The following DUSP29 variants were observed in gnomAD, a reference collection of about 807,000 sequenced individuals.
DUSP29 encodes the protein dual specificity phosphatase 29, also known as atypical dual-specific protein phosphatase.
Under a neutral mutation model 13.5 loss-of-function variants are expected in DUSP29, and 12 were observed. That is an observed-to-expected ratio of 0.89 (90% confidence interval 0.57 to 1.44). DUSP29 has a LOEUF of 1.44. Among genes scored for constraint, DUSP29 ranks in the 40% most tolerant of loss-of-function variants. The pLI, the probability that DUSP29 is intolerant of heterozygous loss-of-function variation, is 0.00. For synonymous variants in DUSP29, 134 were observed against 128.7 expected, an observed-to-expected ratio of 1.04 and a Z score of -0.28; for missense variants, 308 against 301.1, an observed-to-expected ratio of 1.02 and a Z score of -0.17.
chr10:75,051,409 T>A (rs1846826625), intron 2 of DUSP29, among the ~76,000 whole-genome samples: 1 of 152,202 alleles, frequency 6.6e-6, no homozygotes, highest in Non-Finnish European at 1.5e-5. Flanking sequence ...AAAGCCTGAG[T>A]GACTTGCCCA....
At chr10:75,047,904 A>G (rs985651458) in intron 2 of DUSP29, among the ~76,000 whole-genome samples, 6 of 152,172 alleles carry the variant, frequency 3.9e-5, no homozygotes, top group Non-Finnish European at 7.3e-5. Flanking sequence ...TTTTATAGAA[A>G]GGTTTTTTTT....
intron 2 of DUSP29, among the ~76,000 whole-genome samples, chr10:75,052,605 C>T (rs990384058): frequency 1.3e-5 from 2 of 152,208 alleles, no homozygotes; most frequent in Non-Finnish European, 2.9e-5. Context: ...ACGCGCCCGG[C>T]CATCCCCGGC....
intron 1 of DUSP29, among the ~76,000 whole-genome samples, chr10:75,071,512 G>A (rs537594933): frequency 2.0e-5 from 3 of 152,322 alleles, no homozygotes; most frequent in African/African-American, 7.2e-5. Context: ...CCCGCAGACA[G>A]GACCAGGTTC....
intron 2 of DUSP29, among the ~76,000 whole-genome samples, chr10:75,047,621 A>G (rs1846733482): frequency 6.6e-6 from 1 of 152,268 alleles, no homozygotes; most frequent in Non-Finnish European, 1.5e-5. Context: ...GACTTCAGAA[A>G]GAAAAACAGA....
At chr10:75,038,197 G>T (rs1846506713) in intron 3 of DUSP29, 120 bp from the exon 4 acceptor site, 2 of 1,327,828 alleles carry the variant, frequency 1.5e-6, no homozygotes, top group East Asian at 5.0e-5. Flanking sequence ...TCAGCACTGT[G>T]CCCCACAGCT....
chr10:75,044,053 C>T (rs778563412), intron 2 of DUSP29, 36 bp from the exon 3 acceptor site: 1 of 1,578,268 alleles, frequency 6.3e-7, no homozygotes, highest in East Asian at 2.3e-5. Flanking sequence ...GGGCGCGCGG[C>T]GCCCTGCCCC....
Position 75,037,925 on chromosome 10 carries a change from G to A in DUSP29, c.574C>T (p.Gln192Ter), listed in dbSNP as rs539627900. 1 of 1,613,870 alleles carries A rather than the reference G, an allele frequency of 6.2e-7. No individual in the cohort carries two copies. The highest frequency in any genetic ancestry group is 1.1e-5 in the South Asian group (1 of 91,086). ...CVLPNRGFLK[Q>*]LRELDKQLVQ... ...AGCTGCTTGTCCAGCTCCCGGAGCT[G>A]CTTCAAAAAGCCCCGGTTCGGGAGG... Residue 192 changes from glutamine to a stop codon, truncating the protein, a stop_gained, in exon 4 of 4, where the codon CAG (glutamine) becomes TAG (stop). Coordinates refer to ENST00000338487, the MANE Select transcript of DUSP29 (RefSeq NM_001003892.3). LOFTEE classifies it low-confidence loss of function (END_TRUNC).
At chr10:75,053,699 T>A (rs1209886175) in intron 2 of DUSP29, among the ~76,000 whole-genome samples, 2 of 152,180 alleles carry the variant, frequency 1.3e-5, no homozygotes, top group East Asian at 1.9e-4. Context: ...CATGTTTTTT[T>A]TTTTTTGATC....
intron 1 of DUSP29, among the ~76,000 whole-genome samples, chr10:75,061,979 G>A (rs1261668286): frequency 3.9e-5 from 6 of 152,192 alleles, no homozygotes; most frequent in African/African-American, 1.4e-4. Context: ...AGAAGGTGAG[G>A]GGACTGCAGG....
At position 75,056,535 on chromosome 10, in the gene DUSP29, C is replaced by T. The variant is rs191947259; in HGVS notation, c.200+1780G>A. ...AAAAAAAATTAGCTGGGCGTGGTGG[C>T]GCATGCCTGTAATCCCAGCTACTCA... On this transcript the variant is annotated intron_variant, in intron 2 of 3. Transcript: ENST00000338487. Among the ~76,000 whole-genome samples, 1,017 of 150,392 alleles carry T rather than the reference C, an allele frequency of 6.8e-3. 16 individuals are homozygous for T. The highest frequency in any genetic ancestry group is 0.033 in the East Asian group (169 of 5,092).
chr10:75,042,780 T>C (rs1315994841), intron 3 of DUSP29, among the ~76,000 whole-genome samples: 1 of 152,254 alleles, frequency 6.6e-6, no homozygotes, highest in East Asian at 1.9e-4. Context: ...CTGAGCCTTG[T>C]AATCACAACC....
chr10:75,053,050 C>T (rs1846879339), intron 2 of DUSP29, among the ~76,000 whole-genome samples: 1 of 152,192 alleles, frequency 6.6e-6, no homozygotes, highest in Non-Finnish European at 1.5e-5. Context: ...CACCCTGGGT[C>T]CTAGAGTAAA....
At chr10:75,043,521 G>A (rs993710366) in intron 3 of DUSP29, among the ~76,000 whole-genome samples, 1 of 152,204 alleles carries the variant, frequency 6.6e-6, no homozygotes, top group African/African-American at 2.4e-5. Flanking sequence ...ACGCTGGGTG[G>A]TGCAGGTCCT....
chr10:75,071,994 C>T lies in DUSP29; in HGVS notation c.-35+1575G>A, dbSNP rs150131218. Among the ~76,000 whole-genome samples, 78 of 152,294 alleles carry T rather than the reference C, an allele frequency of 5.1e-4. No individual in the cohort carries two copies. The East Asian group carries it at 0.014, about 28-fold the overall frequency. ...GGAATGATGCGGAGTTTGGCCAGAG[C>T]GGTTGGAGGAGAAGAGTCGGCTGCT... On this transcript the variant is annotated intron_variant, in intron 1 of 3. Coordinates refer to ENST00000338487, the MANE Select transcript of DUSP29 (RefSeq NM_001003892.3).
intron 1 of DUSP29, among the ~76,000 whole-genome samples, chr10:75,071,996 G>A (rs909784655): frequency 7.9e-5 from 12 of 152,232 alleles, no homozygotes; most frequent in Non-Finnish European, 1.0e-4. Flanking sequence ...GGCCAGAGCG[G>A]TTGGAGGAGA....
At chr10:75,072,341 G>A (rs1052552532) in intron 1 of DUSP29, among the ~76,000 whole-genome samples, 10 of 152,112 alleles carry the variant, frequency 6.6e-5, no homozygotes, top group Admixed American at 1.3e-4. Flanking sequence ...CAGCCTGCCC[G>A]TCTGTATGCT....
At chr10:75,038,696 A>T (rs982958719) in intron 3 of DUSP29, among the ~76,000 whole-genome samples, 25 of 102,992 alleles carry the variant, frequency 2.4e-4, no homozygotes, top group Non-Finnish European at 3.7e-4. Flanking sequence ...GGGGAGAAAG[A>T]GTTGGAAGGG....
chr10:75,061,457 A>G (rs1285166542), intron 1 of DUSP29, among the ~76,000 whole-genome samples: 1 of 152,170 alleles, frequency 6.6e-6, no homozygotes. Context: ...TGGTCTGAAG[A>G]CCACGTCTGT....
intron 3 of DUSP29, among the ~76,000 whole-genome samples, chr10:75,040,156 A>G (rs1388865975): frequency 6.6e-6 from 1 of 152,178 alleles, no homozygotes; most frequent in Non-Finnish European, 1.5e-5. Flanking sequence ...AGCCTGGGTG[A>G]CAGAGCGAGA....
Sources: gnomAD v4.1 joint callset for allele counts (sites outside exome capture counted in the v4.1 genomes callset) on GRCh38, gnomAD v4.1.1 for gene constraint, MANE v1.5 for transcripts, NCBI Gene and HGNC (gene_info 2026-07-23, HGNC 2026-07-21) for gene names.